Variants in PRKCE observed in about 807,000 individuals in gnomAD.
PRKCE encodes protein kinase C epsilon.
In PRKCE, 16 loss-of-function variants were observed where a neutral mutation model predicts 85.4. The observed-to-expected ratio is 0.19, with a 90% CI of 0.13 to 0.28. The LOEUF is 0.28. Ranked by LOEUF, PRKCE falls within the 10% of genes least tolerant of loss-of-function variation. The pLI, the probability that PRKCE is intolerant of heterozygous loss-of-function variation, is 1.00. For synonymous variants in PRKCE, 388 were observed against 371.5 expected, an observed-to-expected ratio of 1.04 and a Z score of -0.51; for missense variants, 573 against 975.2, an observed-to-expected ratio of 0.59 and a Z score of 5.49.
intron 2 of PRKCE, among the ~76,000 whole-genome samples, chr2:45,849,999 C>T (rs932646033): frequency 8.5e-5 from 13 of 152,316 alleles, no homozygotes; most frequent in African/African-American, 2.4e-4. Context: ...AAAGAGACAT[C>T]GCTAAGATGC....
chr2:45,950,957 G>A (rs552759938), intron 2 of PRKCE, among the ~76,000 whole-genome samples: 3 of 152,270 alleles, frequency 2.0e-5, no homozygotes, highest in South Asian at 2.1e-4. Flanking sequence ...CTCCCGATCT[G>A]AGATCATGTT....
intron 1 of PRKCE, among the ~76,000 whole-genome samples, chr2:45,791,047 C>G (rs1207800289): frequency 6.6e-6 from 1 of 152,216 alleles, no homozygotes. Context: ...CACCTCCGCA[C>G]AAACGTCTGC....
chr2:45,976,296 C>T, intron 2 of PRKCE, 133 bp from the exon 3 acceptor site: 1 of 1,034,496 alleles, frequency 9.7e-7, no homozygotes, highest in Non-Finnish European at 1.4e-6. Flanking sequence ...CCGAGTCCCT[C>T]CACACACAAA....
chr2:45,663,920 C>G (rs1344374703), intron 1 of PRKCE, among the ~76,000 whole-genome samples: 2 of 152,150 alleles, frequency 1.3e-5, no homozygotes, highest in Non-Finnish European at 2.9e-5. Context: ...CCAAAACAAA[C>G]TATCCAAAGA....
At chr2:45,994,749 C>T (rs1704083768) in intron 6 of PRKCE, among the ~76,000 whole-genome samples, 1 of 152,164 alleles carries the variant, frequency 6.6e-6, no homozygotes. Context: ...TATAAACATC[C>T]ATGTGCGGGT....
chr2:45,900,124 G>A (rs1055357551), intron 2 of PRKCE, among the ~76,000 whole-genome samples: 2 of 152,164 alleles, frequency 1.3e-5, no homozygotes, highest in African/African-American at 2.4e-5. Context: ...AATAACAAGC[G>A]TTGATGAAGA....
chr2:46,069,347 C>T (rs530200286), intron 10 of PRKCE, among the ~76,000 whole-genome samples: 82 of 152,030 alleles, frequency 5.4e-4, no homozygotes, highest in Non-Finnish European at 1.0e-3. Context: ...GTCAGTAGGC[C>T]TTTTCTGGAT....
intron 2 of PRKCE, among the ~76,000 whole-genome samples, chr2:45,869,776 A>G (rs1281154330): frequency 7.7e-6 from 1 of 129,184 alleles, no homozygotes; most frequent in African/African-American, 3.0e-5. Context: ...GGCATGATCT[A>G]GGCTCACTGC....
At chr2:46,025,360 T>A (rs1414770616) in intron 10 of PRKCE, among the ~76,000 whole-genome samples, 2 of 151,978 alleles carry the variant, frequency 1.3e-5, no homozygotes, top group African/African-American at 4.8e-5. Flanking sequence ...ACAACCAGTA[T>A]TTTTTTTAGT....
intron 2 of PRKCE, among the ~76,000 whole-genome samples, chr2:45,902,956 G>T (rs974275890): frequency 2.6e-5 from 4 of 152,122 alleles, no homozygotes; most frequent in Admixed American, 2.0e-4. Flanking sequence ...TCCCAGATGG[G>T]CATATATAGC....
chr2:45,866,090 G>C (rs7572708), intron 2 of PRKCE, among the ~76,000 whole-genome samples: 29,895 of 151,694 alleles, frequency 0.2, 3,594 homozygotes, highest in East Asian at 0.44. Context: ...AAAGTGCTGG[G>C]ATTACAGGCA....
chr2:46,139,681 T>C lies in PRKCE; in HGVS notation c.1593-5412T>C, dbSNP rs888508289. Among the ~76,000 whole-genome samples the C allele has an allele frequency of 6.8e-6, 1 of 147,718 alleles. No individual in the cohort carries two copies. Among genetic ancestry groups the C allele is most frequent in the African/African-American group, 2.7e-5 (1 of 37,534 alleles). On this transcript the variant is annotated intron_variant, in intron 11 of 14. Coordinates refer to ENST00000306156, the MANE Select transcript of PRKCE (RefSeq NM_005400.3). The surrounding 1 kb of genome is among the most constrained non-coding windows in gnomAD (Gnocchi z 5.2). ...ATATAGAGGAACATATATATATATA[T>C]GCGTATATATATGTGTGTGTATATA... is the stretch of plus-strand genomic sequence containing the variant.
intron 2 of PRKCE, among the ~76,000 whole-genome samples, chr2:45,855,363 A>C (rs1000910166): frequency 2.0e-5 from 3 of 152,236 alleles, no homozygotes; most frequent in Admixed American, 2.0e-4. Context: ...AAATCTTACA[A>C]ATTTAGGCAA....
intron 10 of PRKCE, among the ~76,000 whole-genome samples, chr2:46,043,579 A>G (rs1162230377): frequency 6.6e-6 from 1 of 152,214 alleles, no homozygotes; most frequent in East Asian, 1.9e-4. Flanking sequence ...AAGCTTCTTC[A>G]TTAGCAGCAA....
intron 1 of PRKCE, among the ~76,000 whole-genome samples, chr2:45,780,361 T>A (rs1477930449): frequency 1.3e-5 from 2 of 152,226 alleles, no homozygotes; most frequent in African/African-American, 4.8e-5. Flanking sequence ...TTTCCCACAT[T>A]TTGGATTTTG....
At chr2:45,904,559 G>A (rs185348938) in intron 2 of PRKCE, among the ~76,000 whole-genome samples, 2 of 152,258 alleles carry the variant, frequency 1.3e-5, no homozygotes, top group East Asian at 3.9e-4. Context: ...TCGGTGGGTT[G>A]GGCTCTGGGC....
At chr2:46,061,859 C>CTTTTTCTTTTTTTTTTTTTTTTTTT (rs1667165973) in intron 10 of PRKCE, among the ~76,000 whole-genome samples, 2 of 107,746 alleles carry the variant, frequency 1.9e-5, no homozygotes, top group African/African-American at 4.0e-5. Flanking sequence ...TTTTCTTTTT[C>CTTTTTCTTTTTTTTTTTTTTTTTTT]TTTTTTTTTT....
At chr2:45,874,323 G>A (rs1694312182) in intron 2 of PRKCE, among the ~76,000 whole-genome samples, 1 of 152,224 alleles carries the variant, frequency 6.6e-6, no homozygotes, top group African/African-American at 2.4e-5. Flanking sequence ...TGGTGAAGAA[G>A]GGAAGTGGCT....
chr2:45,685,011 C>G (rs1434674229), intron 1 of PRKCE, among the ~76,000 whole-genome samples: 1 of 152,182 alleles, frequency 6.6e-6, no homozygotes, highest in Non-Finnish European at 1.5e-5. Context: ...CTGGCTTTTT[C>G]CTCATGGCCC....
Sources: gnomAD v4.1 joint callset for allele counts (sites outside exome capture counted in the v4.1 genomes callset) on GRCh38, gnomAD v4.1.1 for gene constraint, Gnocchi (gnomAD v3.1) non-coding constraint, MANE v1.5 for transcripts, NCBI Gene and HGNC (gene_info 2026-07-23, HGNC 2026-07-21) for gene names.